The following PCDHGA6 variants were observed in gnomAD, a reference collection of about 807,000 sequenced individuals.
PCDHGA6 encodes the protein protocadherin gamma-A6.
PCDHGA6 carries 41 observed loss-of-function variants against 60.6 expected under a neutral mutation model. The observed-to-expected ratio is 0.68, with a 90% confidence interval of 0.53 to 0.88. PCDHGA6 has a LOEUF of 0.88. PCDHGA6 is among the 40% of genes least tolerant of loss of function. The probability of loss-of-function intolerance (pLI) is 0.00; values close to 1 mark genes in which losing one functional copy is unlikely to be tolerated. For synonymous variants in PCDHGA6, 594 were observed against 524.4 expected (o/e 1.13, Z -1.81); for missense variants, 1,312 against 1,203.0 (o/e 1.09, Z -1.34).
intron 2 of PCDHGA6, among the ~76,000 whole-genome samples, chr5:141,498,555 C>T (rs2099784323): frequency 6.6e-6 from 1 of 152,032 alleles, no homozygotes; most frequent in South Asian, 2.1e-4. Flanking sequence ...GACACACCAG[C>T]TTCAAAGCAG....
At chr5:141,394,696 C>G (rs1006890229) in intron 1 of PCDHGA6, 1 of 1,612,928 alleles carries the variant, frequency 6.2e-7, no homozygotes, top group African/African-American at 1.3e-5. Context: ...GAGGTGCGCA[C>G]GGCGCGAGCC....
intron 1 of PCDHGA6, chr5:141,415,000 T>G: frequency 6.2e-7 from 1 of 1,613,660 alleles, no homozygotes; most frequent in Non-Finnish European, 8.5e-7. Context: ...CGCCTGGCTG[T>G]CCTACCGTCT....
chr5:141,476,029 A>G lies in PCDHGA6; in HGVS notation c.2425-18778A>G, dbSNP rs975943706. The G allele has an allele frequency of 2.3e-5, 34 of 1,455,312 alleles. No homozygotes were observed. The highest frequency in any genetic ancestry group is 1.1e-4 in the African/African-American group (8 of 70,728). 90.1% of individuals were successfully genotyped at this position (1,455,312 alleles called of 1,614,324 possible). A position where few individuals can be genotyped will look rare whatever the true frequency, so the allele number is the denominator to read the frequency against. On this transcript the variant is annotated intron_variant, in intron 1 of 3. Transcript: ENST00000517434. The surrounding 1 kb of genome is among the most constrained non-coding windows in gnomAD (Gnocchi z 7.6). The stretch of plus-strand genomic sequence containing the variant: ...GAAAGCCATGTCGGACTCGGCGCCC[A>G]GCGCCCAAGCGCTAACCCGCTGAAA...
At position 141,491,692 on chromosome 5, in the gene PCDHGA6, C is replaced by T. The variant is rs749349869; in HGVS notation, c.2425-3115C>T. On this transcript the variant is annotated intron_variant, in intron 1 of 3. Coordinates refer to ENST00000517434, the MANE Select transcript of PCDHGA6 (RefSeq NM_018919.3). This position sits in a 1 kb window ranked among gnomAD's most constrained non-coding sequence, Gnocchi z 6.9. ...GTCCCGCTCTAATACGCTGCGGGAG[C>T]GGAGCCAGGTGAGGGGCTCGGCGCC... is the stretch of plus-strand genomic sequence containing the variant. 1 of 1,612,594 alleles carries T rather than the reference C, an allele frequency of 6.2e-7. No homozygotes were observed. The highest frequency in any genetic ancestry group is 8.5e-7 in the Non-Finnish European group (1 of 1,179,340).
chr5:141,494,675 C>A, intron 1 of PCDHGA6, 132 bp from the exon 2 acceptor site: 2 of 1,548,574 alleles, frequency 1.3e-6, no homozygotes, highest in South Asian at 1.2e-5. Flanking sequence ...TGAGTCCACC[C>A]CTGCCCCCTC....
chr5:141,388,408 G>A (rs2091351933), intron 1 of PCDHGA6: 1 of 1,613,848 alleles, frequency 6.2e-7, no homozygotes, highest in African/African-American at 1.3e-5. Context: ...CTCAGTCCCA[G>A]TGATCATTTC....
intron 1 of PCDHGA6, among the ~76,000 whole-genome samples, chr5:141,433,818 CA>C (rs2097653666): frequency 7.5e-6 from 1 of 133,558 alleles, no homozygotes; most frequent in African/African-American, 2.9e-5. Flanking sequence ...GCCTGGGCAA[CA>C]AGAGTGAAAC....
intron 1 of PCDHGA6, among the ~76,000 whole-genome samples, chr5:141,445,751 G>T (rs1211416281): frequency 2.0e-5 from 3 of 152,102 alleles, no homozygotes; most frequent in Non-Finnish European, 4.4e-5. Context: ...AAAAATAAAA[G>T]GTGTGACTCA....
chr5:141,425,486 C>T (rs2096878743), intron 1 of PCDHGA6, among the ~76,000 whole-genome samples: 1 of 152,236 alleles, frequency 6.6e-6, no homozygotes, highest in African/African-American at 2.4e-5. Context: ...TGGCAACCTA[C>T]TAGGCTATAC....
At chr5:141,474,117 A>C (rs748431734) in intron 1 of PCDHGA6, among the ~76,000 whole-genome samples, 11 of 152,186 alleles carry the variant, frequency 7.2e-5, no homozygotes, top group Non-Finnish European at 1.2e-4. Context: ...ACAACAACGA[A>C]AATCTCAGAA....
At chr5:141,395,140 C>T in intron 1 of PCDHGA6, 1 of 1,614,212 alleles carries the variant, frequency 6.2e-7, no homozygotes, top group Non-Finnish European at 8.5e-7. Flanking sequence ...CCCAACTACG[C>T]AGACATGCTC....
In PCDHGA6 at chr5:141,375,812, C is replaced by T. The variant is rs1162133634; in HGVS notation, c.1729C>T (p.Leu577=). The T allele has an allele frequency of 6.2e-7, 1 of 1,614,208 alleles. No individual in the cohort carries two copies. Among genetic ancestry groups the T allele is most frequent in the Non-Finnish European group, 8.5e-7 (1 of 1,180,046 alleles). ...LPTDGSTGVE[L]APRSAEPGYL... is the part of the protein sequence containing the mutation. ...CACAGACGGTTCCACTGGCGTGGAG[C>T]TGGCGCCCCGCTCCGCAGAGCCCGG... Residue 577 remains leucine (L), a synonymous_variant, in exon 1 of 4, where the codon CTG becomes TTG. Coordinates refer to ENST00000517434, the MANE Select transcript of PCDHGA6 (RefSeq NM_018919.3).
chr5:141,388,922 A>G (rs761599135), intron 1 of PCDHGA6: 1 of 1,614,046 alleles, frequency 6.2e-7, no homozygotes, highest in Non-Finnish European at 8.5e-7. Context: ...CAGAAGTGAT[A>G]TTCCAGTCTC....
intron 1 of PCDHGA6, chr5:141,385,343 T>C: frequency 1.3e-6 from 2 of 1,568,526 alleles, no homozygotes; most frequent in Non-Finnish European, 1.7e-6. Flanking sequence ...GCCCTTCCTT[T>C]ATTTCCATGA....
At chr5:141,480,715 G>A (rs906358826) in intron 1 of PCDHGA6, among the ~76,000 whole-genome samples, 1 of 152,124 alleles carries the variant, frequency 6.6e-6, no homozygotes, top group African/African-American at 2.4e-5. Flanking sequence ...ACAAATGAAA[G>A]CACAGTCTCT....
chr5:141,432,918 A>C lies in PCDHGA6; in HGVS notation c.2424+56411A>C. ...CTGGCGCTCAGGCTGCGGCGCTGGC[A>C]CAAGTCACGCCTGCTGCAGGCTTCA... On this transcript the variant is annotated intron_variant, in intron 1 of 3. Coordinates refer to ENST00000517434, the MANE Select transcript of PCDHGA6 (RefSeq NM_018919.3). This position sits in a 1 kb window ranked among gnomAD's most constrained non-coding sequence, Gnocchi z 6.0. 1 of 1,614,128 alleles carries C rather than the reference A, an allele frequency of 6.2e-7. No homozygotes were observed. Among genetic ancestry groups the C allele is most frequent in the South Asian group, 1.1e-5 (1 of 91,082 alleles).
At position 141,419,393 on chromosome 5, in the gene PCDHGA6, G is replaced by A. The variant is rs1226844501; in HGVS notation, c.2424+42886G>A. On this transcript the variant is annotated intron_variant, in intron 1 of 3. Transcript: ENST00000517434. The stretch of plus-strand genomic sequence containing the variant: ...CTACGTGTCCGTGAGCGCGCAGAGC[G>A]GGGTGGTGTTCGCGCAGCGCGCCTT... 6.2e-7 allele frequency: 1 copy of A among 1,613,502 alleles called. No homozygotes were observed. Among genetic ancestry groups the A allele is most frequent in the Non-Finnish European group, 8.5e-7 (1 of 1,179,920 alleles).
chr5:141,380,470 G>A (rs755352560), intron 1 of PCDHGA6, among the ~76,000 whole-genome samples: 27 of 152,140 alleles, frequency 1.8e-4, no homozygotes, highest in Non-Finnish European at 3.4e-4. Flanking sequence ...AAATGGTCAG[G>A]ATTCTTCCCA....
intron 1 of PCDHGA6, among the ~76,000 whole-genome samples, chr5:141,467,330 G>T (rs1335387199): frequency 6.6e-6 from 1 of 152,138 alleles, no homozygotes; most frequent in East Asian, 1.9e-4. Context: ...TGGGATTAGA[G>T]ACGTAAGCCA....
Sources: allele counts gnomAD v4.1 joint callset (sites outside exome capture counted in the v4.1 genomes callset), GRCh38; gene constraint gnomAD v4.1.1; non-coding constraint Gnocchi (gnomAD v3.1); transcripts MANE v1.5; gene names NCBI Gene and HGNC (gene_info 2026-07-23, HGNC 2026-07-21).